The following RIN2 variants were observed in gnomAD, a reference collection of about 807,000 sequenced individuals.
The protein encoded by RIN2 is RAB5 interacting protein 2.
RIN2 carries 36 observed loss-of-function variants against 78.0 expected under a neutral mutation model. That is an observed-to-expected ratio of 0.46 (90% CI 0.35 to 0.61). The LOEUF (loss-of-function observed/expected upper bound fraction) is 0.61. RIN2 is among the 20% of genes least tolerant of loss of function. The pLI is 0.00. For synonymous variants in RIN2, 466 were observed against 466.8 expected (o/e 1.00, Z 0.02); for missense variants, 1,087 against 1,159.7 (o/e 0.94, Z 0.91).
intron 3 of RIN2, 98 bp from the exon 4 acceptor site, chr20:19,935,001 C>A: frequency 3.0e-6 from 2 of 669,160 alleles, no homozygotes; most frequent in East Asian, 3.1e-5. Flanking sequence ...AAAAGATGGT[C>A]ATCTCTGTTC....
intron 8 of RIN2, among the ~76,000 whole-genome samples, chr20:19,971,735 A>ATTTTTTCTTTTTTTTTTTTTTT (rs2042113120): frequency 1.1e-5 from 1 of 91,540 alleles, no homozygotes; most frequent in African/African-American, 5.0e-5. Context: ...TGAAACTGCA[A>ATTTTTTCTTTTTTTTTTTTTTT]TTTTTTTTTT....
intron 2 of RIN2, among the ~76,000 whole-genome samples, chr20:19,847,818 C>T (rs6106143): frequency 1.1e-4 from 16 of 152,100 alleles, no homozygotes; most frequent in East Asian, 7.7e-4. Flanking sequence ...GACTGTGAGT[C>T]GCATTATATT....
chr20:19,791,498 ATATTAT>A (rs1405997441), intron 1 of RIN2, among the ~76,000 whole-genome samples: 1 of 152,188 alleles, frequency 6.6e-6, no homozygotes, highest in African/African-American at 2.4e-5. Flanking sequence ...CCTGCCTCAG[ATATTAT>A]TATGTGGAAG....
chr20:19,955,605 G>A (rs150804735), intron 4 of RIN2, among the ~76,000 whole-genome samples: 2,214 of 152,290 alleles, frequency 0.015, 28 homozygotes, highest in Non-Finnish European at 0.023. Flanking sequence ...CCAAAGTGCT[G>A]GGATTATAGG....
chr20:19,918,273 T>C (rs1163977578), intron 3 of RIN2, among the ~76,000 whole-genome samples: 2 of 151,852 alleles, frequency 1.3e-5, no homozygotes, highest in African/African-American at 4.8e-5. Flanking sequence ...AAGGCCAAGG[T>C]CCCATAGCTT....
intron 4 of RIN2, among the ~76,000 whole-genome samples, chr20:19,937,399 G>T (rs57703045): frequency 1.3e-5 from 2 of 152,170 alleles, no homozygotes; most frequent in Non-Finnish European, 2.9e-5. Flanking sequence ...GAAATGCACC[G>T]CCGTCAGCTT....
chr20:19,931,470 C>T (rs567129523), intron 3 of RIN2, among the ~76,000 whole-genome samples: 3 of 152,064 alleles, frequency 2.0e-5, no homozygotes, highest in Middle Eastern at 3.4e-3. Flanking sequence ...CTAACATAGA[C>T]GAAATAGTAT....
At chr20:19,981,834 A>T (rs2042463986) in intron 9 of RIN2, among the ~76,000 whole-genome samples, 1 of 150,090 alleles carries the variant, frequency 6.7e-6, no homozygotes, top group Admixed American at 6.6e-5. Context: ...ACAATACTTA[A>T]AACCAACCCA....
intron 2 of RIN2, among the ~76,000 whole-genome samples, chr20:19,866,432 T>G (rs1415063111): frequency 2.0e-5 from 3 of 152,084 alleles, no homozygotes; most frequent in African/African-American, 7.2e-5. Context: ...AAAAAGGATA[T>G]ATGATAGACA....
intron 2 of RIN2, among the ~76,000 whole-genome samples, chr20:19,812,070 T>TTTTA (rs57450631): frequency 2.6e-5 from 4 of 152,234 alleles, no homozygotes; most frequent in East Asian, 1.9e-4. Flanking sequence ...TCTTTTTTTT[T>TTTTA]ACCACTGAAT....
chr20:19,844,056 G>A (rs553009730), intron 2 of RIN2, among the ~76,000 whole-genome samples: 1 of 151,944 alleles, frequency 6.6e-6, no homozygotes, highest in Non-Finnish European at 1.5e-5. Context: ...CAATATGATG[G>A]TAAATCATAT....
At chr20:19,960,296 G>A (rs1231511301) in intron 5 of RIN2, among the ~76,000 whole-genome samples, 1 of 152,144 alleles carries the variant, frequency 6.6e-6, no homozygotes, top group African/African-American at 2.4e-5. Flanking sequence ...CAATTCCTAT[G>A]GTTTAGTCAT....
At chr20:19,864,118 G>C (rs1258248581) in intron 2 of RIN2, among the ~76,000 whole-genome samples, 2 of 151,856 alleles carry the variant, frequency 1.3e-5, no homozygotes, top group Admixed American at 6.6e-5. Flanking sequence ...TTAATGGAGG[G>C]ATCAATTAGA....
At chr20:19,889,127 T>C (rs940239298) in intron 2 of RIN2, 20 of 985,298 alleles carry the variant, frequency 2.0e-5, no homozygotes, top group Non-Finnish European at 2.2e-5. Flanking sequence ...CCAGCAGAGC[T>C]AAGGATGACC....
intron 1 of RIN2, among the ~76,000 whole-genome samples, chr20:19,769,459 C>T (rs2034030035): frequency 6.6e-6 from 1 of 152,232 alleles, no homozygotes; most frequent in Non-Finnish European, 1.5e-5. Flanking sequence ...AATGCATAGG[C>T]ACCTTCCCAC....
At chr20:19,908,952 C>T (rs1372870676) in intron 3 of RIN2, among the ~76,000 whole-genome samples, 2 of 151,934 alleles carry the variant, frequency 1.3e-5, no homozygotes, top group African/African-American at 4.8e-5. Context: ...GCAACCTCTG[C>T]CTCCCAGGTT....
rs1389166893 is a variant in RIN2, at chr20:19,818,291, A to G, written c.-37+18544A>G. On this transcript the variant is annotated intron_variant, in intron 2 of 12. Transcript: ENST00000255006. ...ACAGTCCATCATTAACTGAAATGTC[A>G]TTGTACAAGGCACAACTGTATTATA... is the stretch of plus-strand genomic sequence containing the variant. Among the ~76,000 whole-genome samples the G allele has an allele frequency of 2.0e-5, 3 of 152,226 alleles. No individual in the cohort carries two copies. In the East Asian group the frequency reaches 5.8e-4, roughly 29 times the overall value.
intron 4 of RIN2, among the ~76,000 whole-genome samples, chr20:19,940,727 G>A (rs2040835594): frequency 6.6e-6 from 1 of 152,222 alleles, no homozygotes; most frequent in Admixed American, 6.5e-5. Context: ...CCTCCCACAT[G>A]ATTCCACAGT....
intron 2 of RIN2, among the ~76,000 whole-genome samples, chr20:19,814,484 C>T (rs1239614034): frequency 3.3e-5 from 5 of 151,210 alleles, no homozygotes; most frequent in Non-Finnish European, 7.4e-5. Context: ...TCACTGATTA[C>T]GACAACAATC....
Sources: gnomAD v4.1 joint callset for allele counts (sites outside exome capture counted in the v4.1 genomes callset) on GRCh38, gnomAD v4.1.1 for gene constraint, MANE v1.5 for transcripts, NCBI Gene and HGNC (gene_info 2026-07-23, HGNC 2026-07-21) for gene names.